Variants in PTPRT observed in about 807,000 individuals in gnomAD.
PTPRT encodes the protein receptor-type tyrosine-protein phosphatase T.
A neutral mutation model predicts 176.8 loss-of-function variants in PTPRT; 56 were observed. The ratio of observed to expected loss-of-function variants is 0.32; its 90% CI spans 0.26 to 0.40. The LOEUF (loss-of-function observed/expected upper bound fraction) is 0.40. Among genes scored for constraint, PTPRT ranks in the 10% least tolerant of loss-of-function variants. The pLI is 1.00. For missense variants in PTPRT, 1,540 were observed against 1,908.2 expected (o/e 0.81, Z 3.60); for synonymous variants, 783 against 739.0 (o/e 1.06, Z -0.96).
At chr20:42,292,453 C>T (rs1341582719) in intron 12 of PTPRT, among the ~76,000 whole-genome samples, 1 of 152,084 alleles carries the variant, frequency 6.6e-6, no homozygotes, top group South Asian at 2.1e-4. Flanking sequence ...TTGTCTCATA[C>T]CTACTTAGCA....
intron 1 of PTPRT, among the ~76,000 whole-genome samples, chr20:42,916,464 C>A (rs1978764005): frequency 1.3e-5 from 2 of 152,086 alleles, no homozygotes; most frequent in Non-Finnish European, 2.9e-5. Context: ...ATTTATAATC[C>A]TTTGGGTATA....
At chr20:43,114,430 G>A (rs1404758514) in intron 1 of PTPRT, among the ~76,000 whole-genome samples, 1 of 152,090 alleles carries the variant, frequency 6.6e-6, no homozygotes. Flanking sequence ...GAATGAAATA[G>A]TACCTACCTC....
intron 1 of PTPRT, among the ~76,000 whole-genome samples, chr20:42,899,537 A>G (rs1394182049): frequency 6.6e-6 from 1 of 151,862 alleles, no homozygotes; most frequent in African/African-American, 2.4e-5. Context: ...CTATCATACC[A>G]CCTTGTTTAT....
At chr20:42,558,977 C>T (rs1359922753) in intron 7 of PTPRT, among the ~76,000 whole-genome samples, 1 of 152,130 alleles carries the variant, frequency 6.6e-6, no homozygotes, top group Non-Finnish European at 1.5e-5. Context: ...GGATGGTCCC[C>T]ATCAAGGCTG....
At chr20:42,421,965 A>G (rs977227628) in intron 9 of PTPRT, among the ~76,000 whole-genome samples, 1 of 152,232 alleles carries the variant, frequency 6.6e-6, no homozygotes, top group African/African-American at 2.4e-5. Context: ...AGGATTCCCT[A>G]TTCAATAAAT....
intron 9 of PTPRT, among the ~76,000 whole-genome samples, chr20:42,403,307 T>G (rs533814478): frequency 2.5e-4 from 38 of 152,330 alleles, no homozygotes; most frequent in African/African-American, 9.1e-4. Flanking sequence ...TCTCTATTTG[T>G]TCATATTCCA....
At chr20:42,342,592 C>G (rs894282528) in intron 11 of PTPRT, among the ~76,000 whole-genome samples, 9 of 152,224 alleles carry the variant, frequency 5.9e-5, no homozygotes, top group Admixed American at 2.0e-4. Context: ...CAAGGCCTCA[C>G]AAACTCCTCA....
chr20:42,820,292 A>G (rs2077868470), intron 2 of PTPRT, among the ~76,000 whole-genome samples: 1 of 152,342 alleles, frequency 6.6e-6, no homozygotes, highest in East Asian at 1.9e-4. Context: ...TTACATGGAA[A>G]TTGAACAACC....
intron 1 of PTPRT, among the ~76,000 whole-genome samples, chr20:43,099,932 C>G (rs533226251): frequency 2.6e-5 from 4 of 152,148 alleles, no homozygotes; most frequent in Non-Finnish European, 5.9e-5. Flanking sequence ...GCCTTGGGAG[C>G]TCCCACAGAC....
chr20:42,514,539 G>C (rs2072025260), intron 7 of PTPRT, among the ~76,000 whole-genome samples: 1 of 152,142 alleles, frequency 6.6e-6, no homozygotes, highest in Non-Finnish European at 1.5e-5. Context: ...TTTTCTGCCA[G>C]TGTGTGGTTT....
intron 1 of PTPRT, among the ~76,000 whole-genome samples, chr20:42,953,621 T>C (rs1339409151): frequency 6.6e-6 from 1 of 152,148 alleles, no homozygotes; most frequent in East Asian, 1.9e-4. Flanking sequence ...GAAGAGCCTC[T>C]GGCCCCAGCA....
At chr20:42,858,555 ACCCCAGAGAG>A (rs2078605776) in intron 2 of PTPRT, among the ~76,000 whole-genome samples, 1 of 152,060 alleles carries the variant, frequency 6.6e-6, no homozygotes, top group Non-Finnish European at 1.5e-5. Flanking sequence ...TATAAAAGGG[ACCCCAGAGAG>A]CTGCCTTGCC....
At chr20:42,482,514 GT>G (rs1409323809) in intron 7 of PTPRT, among the ~76,000 whole-genome samples, 1 of 152,220 alleles carries the variant, frequency 6.6e-6, no homozygotes, top group Admixed American at 6.5e-5. Flanking sequence ...TATACTGGAT[GT>G]AGGAGTGAAC....
chr20:42,796,718 C>G (rs1270287879), intron 2 of PTPRT, among the ~76,000 whole-genome samples: 1 of 152,342 alleles, frequency 6.6e-6, no homozygotes, highest in South Asian at 2.1e-4. Flanking sequence ...TATGTGCACA[C>G]ACGTTGGGCA....
At position 42,983,157 on chromosome 20, in the gene PTPRT, T is replaced by C. The variant is rs1983375461; in HGVS notation, c.89-97225A>G. Among the ~76,000 whole-genome samples the C allele has an allele frequency of 2.0e-5, 3 of 152,188 alleles. No homozygotes were observed. The South Asian group carries it at 6.2e-4, about 32-fold the overall frequency. ...CTCCCATCCTTTGTGTGCACATCCTTTGTGTGTCTCTTCAGGGAGCCCCAA... is the reference window on the plus strand; with the variant it reads ...CTCCCATCCTTTGTGTGCACATCCTCTGTGTGTCTCTTCAGGGAGCCCCAA... On this transcript the variant is annotated intron_variant, in intron 1 of 30. Coordinates refer to ENST00000373187, the MANE Select transcript of PTPRT (RefSeq NM_007050.6).
chr20:43,152,890 A>C (rs2146424463), intron 1 of PTPRT, among the ~76,000 whole-genome samples: 1 of 152,284 alleles, frequency 6.6e-6, no homozygotes, highest in Non-Finnish European at 1.5e-5. Flanking sequence ...CAATTGCAAA[A>C]CCTGAAATGG....
At chr20:42,953,204 G>A (rs1032112412) in intron 1 of PTPRT, among the ~76,000 whole-genome samples, 1 of 152,222 alleles carries the variant, frequency 6.6e-6, no homozygotes, top group Non-Finnish European at 1.5e-5. Context: ...AGAGTCAGCA[G>A]AGGGGCAAGG....
At chr20:42,159,931 T>G (rs964680610) in intron 17 of PTPRT, among the ~76,000 whole-genome samples, 1 of 152,166 alleles carries the variant, frequency 6.6e-6, no homozygotes, top group Non-Finnish European at 1.5e-5. Flanking sequence ...AATCCAGCTG[T>G]CTGCACCCCC....
chr20:42,480,445 T>G (rs546447287), intron 7 of PTPRT, among the ~76,000 whole-genome samples: 1 of 152,126 alleles, frequency 6.6e-6, no homozygotes. Flanking sequence ...TAACCAACTA[T>G]AGTTTAGTGT....
Sources: allele counts gnomAD v4.1 joint callset (sites outside exome capture counted in the v4.1 genomes callset), GRCh38; gene constraint gnomAD v4.1.1; transcripts MANE v1.5; gene names NCBI Gene and HGNC (gene_info 2026-07-23, HGNC 2026-07-21).